Variants in ERN1 observed in about 807,000 individuals in gnomAD.
The protein encoded by ERN1 is serine/threonine-protein kinase/endoribonuclease IRE1.
In ERN1, 39 loss-of-function variants were observed where a neutral mutation model predicts 113.1. The ratio of observed to expected loss-of-function variants is 0.34; its 90% CI spans 0.27 to 0.45. The LOEUF (loss-of-function observed/expected upper bound fraction) is 0.45. ERN1 is among the 20% of genes least tolerant of loss of function. The pLI is 1.00. For synonymous variants in ERN1, 507 were observed against 515.9 expected (o/e 0.98, Z 0.23); for missense variants, 976 against 1,274.8 (o/e 0.77, Z 3.57).
chr17:64,087,190 C>T (rs940759170), intron 2 of ERN1, among the ~76,000 whole-genome samples: 7 of 152,184 alleles, frequency 4.6e-5, no homozygotes, highest in Middle Eastern at 3.2e-3. Context: ...GGAAACTACA[C>T]TGCTCCGAAT....
chr17:64,080,422 C>T (rs890885564), intron 3 of ERN1: 3 of 217,166 alleles, frequency 1.4e-5, no homozygotes, highest in Non-Finnish European at 2.8e-5. Flanking sequence ...AGCTTTTACC[C>T]CAACACACAC....
chr17:64,121,473 T>C (rs890893490), intron 1 of ERN1, among the ~76,000 whole-genome samples: 2 of 152,152 alleles, frequency 1.3e-5, no homozygotes, highest in East Asian at 3.9e-4. Context: ...GCTTAAACTG[T>C]GAATTAGGCT....
At chr17:64,072,234 T>C in intron 5 of ERN1, 131 bp from the exon 6 acceptor site, 3 of 933,208 alleles carry the variant, frequency 3.2e-6, no homozygotes, top group Non-Finnish European at 4.8e-6. Flanking sequence ...TCTAAGGTGA[T>C]GATATAAATG....
chr17:64,121,542 T>G (rs975790903), intron 1 of ERN1, among the ~76,000 whole-genome samples: 8 of 152,142 alleles, frequency 5.3e-5, no homozygotes, highest in Non-Finnish European at 2.9e-5. Context: ...CAGGCTGGAG[T>G]GCAATGGCAG....
chr17:64,101,163 C>A (rs1914373682), intron 1 of ERN1, among the ~76,000 whole-genome samples: 1 of 152,092 alleles, frequency 6.6e-6, no homozygotes, highest in Non-Finnish European at 1.5e-5. Flanking sequence ...AATCCCAGCA[C>A]TTTGGGAGGC....
intron 5 of ERN1, among the ~76,000 whole-genome samples, chr17:64,074,910 C>G (rs909187363): frequency 1.3e-5 from 2 of 152,212 alleles, no homozygotes; most frequent in Non-Finnish European, 2.9e-5. Context: ...ATGTTGCAAT[C>G]TTGGAATCTC....
At chr17:64,079,961 C>T (rs1441723672) in intron 3 of ERN1, among the ~76,000 whole-genome samples, 2 of 152,130 alleles carry the variant, frequency 1.3e-5, no homozygotes, top group East Asian at 3.8e-4. Context: ...TGGAGAAAAG[C>T]GGCCTGAAAG....
Position 64,060,513 on chromosome 17 carries a change from C to A in ERN1, c.1162G>T (p.Glu388Ter). The A allele has an allele frequency of 6.2e-7, 1 of 1,613,948 alleles. No individual in the cohort carries two copies. The change falls in exon 11 of 22, where the codon GAA becomes TAA. Residue 388 changes from glutamate (E) to a stop codon, truncating the protein, a stop_gained. Coordinates refer to ENST00000433197, the MANE Select transcript of ERN1 (RefSeq NM_001433.5). LOFTEE classifies it high-confidence loss of function. ...RFPNNLPKHRENVIPADSEKK... is the reference protein window; with the variant it reads ...RFPNNLPKHR ...TCTGAATCAGCAGGAATCACATTTTCCCGATGTTTGGGTAGATTGTTGGGA... is the reference window on the plus strand; with the variant it reads ...TCTGAATCAGCAGGAATCACATTTTACCGATGTTTGGGTAGATTGTTGGGA...
intron 1 of ERN1, among the ~76,000 whole-genome samples, chr17:64,100,528 TG>T (rs1476129964): frequency 2.0e-5 from 3 of 151,898 alleles, no homozygotes; most frequent in Non-Finnish European, 2.9e-5. Flanking sequence ...CCCAACATTT[TG>T]GGAGGCCAAG....
chr17:64,095,406 G>A (rs187785708), intron 2 of ERN1, among the ~76,000 whole-genome samples: 25 of 152,280 alleles, frequency 1.6e-4, no homozygotes, highest in African/African-American at 6.0e-4. Flanking sequence ...TCCAGCCTGG[G>A]CAACAGAGGG....
At position 64,052,897 on chromosome 17, in the gene ERN1, A is replaced by G. The variant is rs768286277; in HGVS notation, c.2136T>C (p.Phe712=). ...HGKIKAMISD[F]GLCKKLAVGR... ...CCACTGCCAGCTTCTTGCAGAGGCC[A>G]AAGTCGGAGATCATGGCCTTGATCT... The change falls in exon 17 of 22, where the codon TTT becomes TTC. Residue 712 remains phenylalanine, a synonymous_variant. Coordinates refer to ENST00000433197, the MANE Select transcript of ERN1 (RefSeq NM_001433.5). The G allele has an allele frequency of 9.3e-6, 15 of 1,613,936 alleles. No individual in the cohort carries two copies. In the South Asian group the frequency reaches 1.4e-4, roughly 15 times the overall value.
At chr17:64,050,325 C>A (rs2143326573) in intron 17 of ERN1, among the ~76,000 whole-genome samples, 1 of 152,254 alleles carries the variant, frequency 6.6e-6, no homozygotes, top group South Asian at 2.1e-4. Context: ...GCCTGCTGTC[C>A]CCAGCACAGA....
At position 64,065,189 on chromosome 17, in the gene ERN1, G is replaced by A; in HGVS notation, c.921+20C>T. The A allele has an allele frequency of 6.3e-7, 1 of 1,575,218 alleles. No homozygotes were observed. ...AACAGAAGTGGTTAGGCAGCTGCGA[G>A]CCCTCCGTAGTGGACTTACCACGAC... is the stretch of plus-strand genomic sequence containing the variant. On this transcript the variant is annotated intron_variant, in intron 9 of 21. Transcript: ENST00000433197.
chr17:64,106,763 C>CACACACA lies in ERN1; in HGVS notation c.55-8523_55-8522insTGTGTGT, dbSNP rs373338585. Among the ~76,000 whole-genome samples, 356 of 138,530 alleles carry CACACACA rather than the reference C, an allele frequency of 2.6e-3. 4 individuals are homozygous for CACACACA. Among genetic ancestry groups the CACACACA allele is most frequent in the African/African-American group, 9.6e-3 (311 of 32,538 alleles). The allele number at this position is 138,530 out of a possible 152,430, so 90.9% of individuals were successfully genotyped here. ...ACACACACACACACACACACACACA[C>CACACACA]AAGCTCGCTGTCTCTTTCTCTCATA... On this transcript the variant is annotated intron_variant, in intron 1 of 21. Transcript: ENST00000433197.
chr17:64,077,536 T>C (rs1190507265), intron 4 of ERN1, among the ~76,000 whole-genome samples: 1 of 152,124 alleles, frequency 6.6e-6, no homozygotes, highest in East Asian at 1.9e-4. Flanking sequence ...CGTGTGGCCT[T>C]TTTTGTCTGT....
Position 64,053,272 on chromosome 17 carries a change from C to T in ERN1, c.2053G>A (p.Val685Ile), listed in dbSNP as rs764440786. The T allele has an allele frequency of 1.1e-5, 17 of 1,603,406 alleles. No individual in the cohort carries two copies. The highest frequency in any genetic ancestry group is 6.7e-5 in the African/African-American group (5 of 74,654). Residue 685 changes from valine to isoleucine, a missense_variant and splice_region_variant, in exon 16 of 22, where the codon GTT becomes ATT. Physicochemically the swap from Val to Ile is conservative, Grantham distance 29. Coordinates refer to ENST00000433197, the MANE Select transcript of ERN1 (RefSeq NM_001433.5). ...GLAHLHSLNI[V>I]HRDLKPHNIL... is the part of the protein sequence containing the mutation. ...GGCCTGGTAAAGTGCAGCCTCTCAC[C>T]GATGTTGAGGGAGTGGAGGTGGGCC...
chr17:64,091,028 T>G (rs924910741), intron 2 of ERN1, among the ~76,000 whole-genome samples: 2 of 152,156 alleles, frequency 1.3e-5, no homozygotes, highest in African/African-American at 2.4e-5. Context: ...GAAGAGGAAA[T>G]AAACACCTTT....
intron 1 of ERN1, among the ~76,000 whole-genome samples, chr17:64,120,217 C>T (rs1914920297): frequency 6.6e-6 from 1 of 152,188 alleles, no homozygotes; most frequent in South Asian, 2.1e-4. Flanking sequence ...ACATTCCTAG[C>T]CACAGTTGTG....
intron 1 of ERN1, among the ~76,000 whole-genome samples, chr17:64,117,926 G>C (rs1914854119): frequency 6.6e-6 from 1 of 152,158 alleles, no homozygotes; most frequent in African/African-American, 2.4e-5. Context: ...TCTTTGTTTT[G>C]TTCATGTTTC....
Sources: gnomAD v4.1 joint callset for allele counts (sites outside exome capture counted in the v4.1 genomes callset) on GRCh38, gnomAD v4.1.1 for gene constraint, MANE v1.5 for transcripts, NCBI Gene and HGNC (gene_info 2026-07-23, HGNC 2026-07-21) for gene names.